KCNH7: variants seen among roughly 807,000 people sequenced by gnomAD.
The protein encoded by KCNH7 is potassium voltage-gated channel subfamily H member 7.
A neutral mutation model predicts 120.8 loss-of-function variants in KCNH7; 49 were observed. That is an observed-to-expected ratio of 0.41 (90% confidence interval 0.32 to 0.51). The LOEUF is 0.51. KCNH7 is among the 20% of genes least tolerant of loss of function. The probability of loss-of-function intolerance (pLI) is 0.38; values close to 1 mark genes in which losing one functional copy is unlikely to be tolerated. For missense variants in KCNH7, 1,097 were observed against 1,446.6 expected, an observed-to-expected ratio of 0.76 and a Z score of 3.92; for synonymous variants, 547 against 516.1, an observed-to-expected ratio of 1.06 and a Z score of -0.81.
chr2:162,406,732 A>G lies in KCNH7; in HGVS notation c.2155-6291T>C, dbSNP rs1687236832. Among the ~76,000 whole-genome samples the G allele has an allele frequency of 3.3e-5, 5 of 151,972 alleles. No individual in the cohort carries two copies. In the South Asian group the frequency reaches 1.0e-3, roughly 31 times the overall value. ...GATTCTGGTAAAATTATTGTTTTCA[A>G]TGTAAGCATTCAGCATCTAAAAAAT... On this transcript the variant is annotated intron_variant, in intron 9 of 15. Transcript: ENST00000332142.
At chr2:162,790,465 CACTT>C (rs1683890465) in intron 2 of KCNH7, among the ~76,000 whole-genome samples, 1 of 151,740 alleles carries the variant, frequency 6.6e-6, no homozygotes, top group East Asian at 1.9e-4. Context: ...AAAGAGAAAA[CACTT>C]ACAAACTCAT....
At chr2:162,592,697 C>T (rs1161917896) in intron 2 of KCNH7, among the ~76,000 whole-genome samples, 1 of 152,034 alleles carries the variant, frequency 6.6e-6, no homozygotes, top group Non-Finnish European at 1.5e-5. Context: ...ATTCATATAT[C>T]TGGGTTAGCA....
chr2:162,454,082 T>A (rs1162632999), intron 6 of KCNH7, among the ~76,000 whole-genome samples: 1 of 152,168 alleles, frequency 6.6e-6, no homozygotes, highest in Non-Finnish European at 1.5e-5. Context: ...GTTTTTACAG[T>A]GTTGGTTTTT....
intron 2 of KCNH7, among the ~76,000 whole-genome samples, chr2:162,767,601 T>C (rs1034401949): frequency 5.3e-5 from 8 of 152,142 alleles, no homozygotes; most frequent in African/African-American, 1.9e-4. Context: ...TCTGCTAAAA[T>C]GGTACCCACA....
chr2:162,526,732 C>T (rs1691718694), intron 3 of KCNH7, among the ~76,000 whole-genome samples: 1 of 151,982 alleles, frequency 6.6e-6, no homozygotes, highest in Non-Finnish European at 1.5e-5. Context: ...TTCAAACACA[C>T]ATGCTCTACA....
chr2:162,626,996 C>A (rs1274650498), intron 2 of KCNH7, among the ~76,000 whole-genome samples: 2 of 152,142 alleles, frequency 1.3e-5, no homozygotes, highest in Non-Finnish European at 2.9e-5. Flanking sequence ...TTTGTAAGAT[C>A]ATGCTTATAG....
intron 2 of KCNH7, among the ~76,000 whole-genome samples, chr2:162,581,404 A>G (rs1693859820): frequency 1.3e-5 from 2 of 152,124 alleles, no homozygotes; most frequent in South Asian, 4.1e-4. Context: ...GCTAAACAAT[A>G]CAACAATCAC....
chr2:162,780,658 T>C (rs931215213), intron 2 of KCNH7, among the ~76,000 whole-genome samples: 3 of 152,184 alleles, frequency 2.0e-5, no homozygotes, highest in Admixed American at 6.5e-5. Context: ...TTCTCAAGCA[T>C]GGAGACACAC....
At chr2:162,647,064 A>T (rs1559062269) in intron 2 of KCNH7, among the ~76,000 whole-genome samples, 2 of 152,184 alleles carry the variant, frequency 1.3e-5, no homozygotes. Context: ...ATAAATACAG[A>T]GGGGCTTCAA....
intron 5 of KCNH7, among the ~76,000 whole-genome samples, chr2:162,506,662 C>T (rs1690893085): frequency 6.6e-6 from 1 of 151,720 alleles, no homozygotes; most frequent in Non-Finnish European, 1.5e-5. Context: ...AGCAAATTGT[C>T]CACAGAGTTA....
In KCNH7 at chr2:162,372,060, A is replaced by G. The variant is rs1196927130; in HGVS notation, c.3360T>C (p.Leu1120=). The change falls in exon 16 of 16, where the codon CTT becomes CTC. Residue 1120 remains leucine, a synonymous_variant. Transcript: ENST00000332142. ...CACTTGAAAGGGATTCTTTGGATTT[A>G]AGTTTAGATTTTTCAAGGTCTAGAA... ...PEFLDLEKSK[L]KSKESLSSGV... 6.2e-7 allele frequency: 1 copy of G among 1,613,178 alleles called. No individual in the cohort carries two copies. Among genetic ancestry groups the G allele is most frequent in the Non-Finnish European group, 8.5e-7 (1 of 1,179,348 alleles).
intron 6 of KCNH7, among the ~76,000 whole-genome samples, chr2:162,494,581 T>A (rs913606616): frequency 6.6e-6 from 1 of 152,174 alleles, no homozygotes; most frequent in Non-Finnish European, 1.5e-5. Flanking sequence ...CTATCAATCA[T>A]AATAAAGGTT....
intron 2 of KCNH7, among the ~76,000 whole-genome samples, chr2:162,639,230 C>T (rs1463713937): frequency 6.6e-6 from 1 of 152,146 alleles, no homozygotes; most frequent in East Asian, 1.9e-4. Context: ...GTGATGATAG[C>T]TAAAATTTAA....
At chr2:162,520,506 T>C (rs985896806) in intron 3 of KCNH7, among the ~76,000 whole-genome samples, 4 of 151,872 alleles carry the variant, frequency 2.6e-5, no homozygotes, top group Admixed American at 1.3e-4. Flanking sequence ...ATGCCTGTAA[T>C]GCCAGCACTT....
intron 2 of KCNH7, among the ~76,000 whole-genome samples, chr2:162,714,605 G>A (rs949075905): frequency 5.3e-5 from 8 of 152,076 alleles, no homozygotes; most frequent in Admixed American, 2.6e-4. Context: ...GAAACAGGGG[G>A]TTGGCAAACT....
chr2:162,765,370 C>A (rs1682748786), intron 2 of KCNH7, among the ~76,000 whole-genome samples: 1 of 152,078 alleles, frequency 6.6e-6, no homozygotes, highest in Non-Finnish European at 1.5e-5. Flanking sequence ...AGAATGAGAA[C>A]CCTGATTGAC....
At chr2:162,573,681 A>G (rs1358162664) in intron 2 of KCNH7, among the ~76,000 whole-genome samples, 1 of 152,060 alleles carries the variant, frequency 6.6e-6, no homozygotes, top group African/African-American at 2.4e-5. Context: ...CATCTAAATT[A>G]AGAAATTATT....
At chr2:162,709,543 A>G (rs1479051393) in intron 2 of KCNH7, among the ~76,000 whole-genome samples, 1 of 152,052 alleles carries the variant, frequency 6.6e-6, no homozygotes, top group East Asian at 1.9e-4. Context: ...TTCTGTAGCT[A>G]TTTCTTATCT....
intron 2 of KCNH7, among the ~76,000 whole-genome samples, chr2:162,600,556 T>C (rs1694518411): frequency 6.6e-6 from 1 of 152,104 alleles, no homozygotes; most frequent in South Asian, 2.1e-4. Flanking sequence ...CCCTAAATGC[T>C]CTAATATTTT....
Sources: gnomAD v4.1 joint callset for allele counts (sites outside exome capture counted in the v4.1 genomes callset) on GRCh38, gnomAD v4.1.1 for gene constraint, MANE v1.5 for transcripts, NCBI Gene and HGNC (gene_info 2026-07-23, HGNC 2026-07-21) for gene names.